Variants in DPH5 observed in about 807,000 individuals in gnomAD.
The protein encoded by DPH5 is diphthamide biosynthesis 5, also known as diphthine methyl ester synthase.
In DPH5, 31 loss-of-function variants were observed where a neutral mutation model predicts 31.6. That is an observed-to-expected ratio of 0.98 (90% confidence interval 0.74 to 1.32). DPH5 has a LOEUF of 1.32. Ranked by LOEUF, DPH5 falls within the 40% of genes most tolerant of loss-of-function variation. The probability of loss-of-function intolerance (pLI) is 0.00; values close to 1 mark genes in which losing one functional copy is unlikely to be tolerated. For missense variants in DPH5, 309 were observed against 335.7 expected, an observed-to-expected ratio of 0.92 and a Z score of 0.62; for synonymous variants, 120 against 115.0, an observed-to-expected ratio of 1.04 and a Z score of -0.28.
At chr1:101,011,727 T>G (rs1001586052) in intron 4 of DPH5, 2 of 141,982 alleles carry the variant, frequency 1.4e-5, no homozygotes, top group Non-Finnish European at 3.1e-5. Context: ...AAAAATAGCT[T>G]AATTTAGAGC....
At chr1:100,997,216 A>C (rs138722630) in intron 5 of DPH5, among the ~76,000 whole-genome samples, 12 of 152,368 alleles carry the variant, frequency 7.9e-5, no homozygotes, top group African/African-American at 2.9e-4. Flanking sequence ...CTTTGAGAGC[A>C]GGACCCACGT....
chr1:100,992,754 A>G lies in DPH5; in HGVS notation c.531-14T>C. 1 of 1,559,428 alleles carries G rather than the reference A, an allele frequency of 6.4e-7. No individual in the cohort carries two copies. The highest frequency in any genetic ancestry group is 8.8e-7 in the Non-Finnish European group (1 of 1,131,228). On this transcript the variant is annotated splice_polypyrimidine_tract_variant and intron_variant, in intron 6 of 7. Coordinates refer to ENST00000370109, the MANE Select transcript of DPH5 (RefSeq NM_015958.3). ...ATCTTCCTTCCCCTATAGGCAGAAA[A>G]CTAGATGCCACTGTTCTTAGCCATG...
intron 7 of DPH5, among the ~76,000 whole-genome samples, chr1:100,991,991 G>GT (rs1177775766): frequency 6.6e-6 from 1 of 151,662 alleles, no homozygotes; most frequent in African/African-American, 2.4e-5. Flanking sequence ...TGCACTTGTA[G>GT]TTCAGCTAAG....
intron 4 of DPH5, among the ~76,000 whole-genome samples, chr1:101,005,717 G>C (rs1659177686): frequency 6.6e-6 from 1 of 152,214 alleles, no homozygotes; most frequent in Non-Finnish European, 1.5e-5. Context: ...AACTCAGCAA[G>C]TACTTGTGAC....
At chr1:101,011,171 T>C (rs939798667) in intron 4 of DPH5, among the ~76,000 whole-genome samples, 1 of 152,244 alleles carries the variant, frequency 6.6e-6, no homozygotes, top group African/African-American at 2.4e-5. Context: ...ATGCAGGATA[T>C]CTATACATTT....
At chr1:101,012,145 C>A (rs1254267564) in intron 4 of DPH5, among the ~76,000 whole-genome samples, 1 of 152,162 alleles carries the variant, frequency 6.6e-6, no homozygotes, top group Non-Finnish European at 1.5e-5. Context: ...AGGTGATCCA[C>A]CTGCCTCGGC....
intron 2 of DPH5, among the ~76,000 whole-genome samples, chr1:101,023,564 A>C (rs1216414050): frequency 6.6e-6 from 1 of 152,240 alleles, no homozygotes; most frequent in Non-Finnish European, 1.5e-5. Context: ...TTTGGAAAAA[A>C]ATACTTTACA....
chr1:101,023,657 T>G (rs570734221), intron 2 of DPH5, among the ~76,000 whole-genome samples: 1 of 152,312 alleles, frequency 6.6e-6, no homozygotes, highest in Non-Finnish European at 1.5e-5. Context: ...AATAAAACAC[T>G]ACATAACCCT....
intron 3 of DPH5, 106 bp from the exon 4 acceptor site, chr1:101,013,924 T>C: frequency 2.7e-6 from 2 of 753,104 alleles, no homozygotes; most frequent in Non-Finnish European, 2.1e-6. Context: ...AGCACTGCCT[T>C]TCTTCAAATT....
chr1:101,021,013 GAT>G (rs1281985921), intron 3 of DPH5, among the ~76,000 whole-genome samples: 1 of 152,110 alleles, frequency 6.6e-6, no homozygotes, highest in Non-Finnish European at 1.5e-5. Flanking sequence ...TTAAATCTGT[GAT>G]ATAAATCTTA....
intron 4 of DPH5, 31 bp from the exon 5 acceptor site, chr1:101,001,618 A>G (rs371386506): frequency 1.4e-6 from 2 of 1,436,840 alleles, no homozygotes; most frequent in African/African-American, 2.9e-5. Context: ...TAATGATGGA[A>G]CAATTAACTA....
chr1:101,005,637 A>C (rs958423993), intron 4 of DPH5, among the ~76,000 whole-genome samples: 1 of 152,204 alleles, frequency 6.6e-6, no homozygotes, highest in Non-Finnish European at 1.5e-5. Context: ...TACAGCATAT[A>C]ATTTCAAAGA....
chr1:101,025,642 G>A, intron 1 of DPH5, 41 bp downstream of exon 1: 1 of 627,226 alleles, frequency 1.6e-6, no homozygotes, highest in South Asian at 2.0e-5. Context: ...AACCCTACCA[G>A]TTTTGCCTCT....
chr1:101,000,304 G>A (rs1658758428), intron 5 of DPH5, among the ~76,000 whole-genome samples: 1 of 152,218 alleles, frequency 6.6e-6, no homozygotes, highest in South Asian at 2.1e-4. Context: ...CAGTAACACA[G>A]TACAATTCAA....
Position 101,013,731 on chromosome 1 carries a change from A to G in DPH5, c.348T>C (p.Ala116=). 6.2e-7 allele frequency: 1 copy of G among 1,611,544 alleles called. No individual in the cohort carries two copies. The highest frequency in any genetic ancestry group is 8.5e-7 in the Non-Finnish European group (1 of 1,178,630). ...TTACCTGTAAACCACAGCAGCCTAC[A>G]GCATTCATTATGGAGGCATTGTGAA... The part of the protein sequence containing the change: ...RVIHNASIMN[A]VGCCGLQLYK... The change falls in exon 4 of 8, where the codon GCT becomes GCC. Residue 116 remains alanine (A), a synonymous_variant. Coordinates refer to ENST00000370109, the MANE Select transcript of DPH5 (RefSeq NM_015958.3).
At chr1:101,000,568 A>C (rs1255340774) in intron 5 of DPH5, among the ~76,000 whole-genome samples, 1 of 152,206 alleles carries the variant, frequency 6.6e-6, no homozygotes, top group Non-Finnish European at 1.5e-5. Flanking sequence ...TATGAAGGCT[A>C]AGGAATGTTT....
intron 4 of DPH5, among the ~76,000 whole-genome samples, chr1:101,008,593 C>T (rs1488173349): frequency 2.6e-5 from 4 of 152,216 alleles, no homozygotes; most frequent in Non-Finnish European, 4.4e-5. Context: ...TTCTAAGCCT[C>T]GTGTTAACTG....
intron 4 of DPH5, among the ~76,000 whole-genome samples, chr1:101,006,920 C>A (rs1162570395): frequency 6.6e-6 from 1 of 152,174 alleles, no homozygotes; most frequent in Non-Finnish European, 1.5e-5. Flanking sequence ...CTGAAGTCAG[C>A]CACAACTGAT....
chr1:100,992,270 G>T (rs780143828), intron 7 of DPH5, among the ~76,000 whole-genome samples: 6 of 152,000 alleles, frequency 3.9e-5, no homozygotes, highest in Non-Finnish European at 5.9e-5. Context: ...GAGAATAAAA[G>T]AACGATAAGT....
Sources: gnomAD v4.1 joint callset for allele counts (sites outside exome capture counted in the v4.1 genomes callset) on GRCh38, gnomAD v4.1.1 for gene constraint, MANE v1.5 for transcripts, NCBI Gene and HGNC (gene_info 2026-07-23, HGNC 2026-07-21) for gene names.